Variants in HECW2 observed in about 807,000 individuals in gnomAD.
The protein encoded by HECW2 is HECT, C2 and WW domain containing E3 ubiquitin protein ligase 2.
A neutral mutation model predicts 175.2 loss-of-function variants in HECW2; 61 were observed. That is an observed-to-expected ratio of 0.35 (90% CI 0.28 to 0.43). The LOEUF is 0.43. Among genes scored for constraint, HECW2 ranks in the 20% least tolerant of loss-of-function variants. The pLI is 1.00. For missense variants in HECW2, 1,524 were observed against 2,000.5 expected, an observed-to-expected ratio of 0.76 and a Z score of 4.54; for synonymous variants, 671 against 731.0, an observed-to-expected ratio of 0.92 and a Z score of 1.32.
intron 2 of HECW2, among the ~76,000 whole-genome samples, chr2:196,358,664 C>A (rs1693475675): frequency 6.9e-6 from 1 of 144,102 alleles, no homozygotes; most frequent in South Asian, 2.3e-4. Flanking sequence ...GTTTTCATTT[C>A]ATTACTCAAA....
In HECW2 at chr2:196,539,403, C is replaced by T. The variant is rs12104614; in HGVS notation, c.-36+54105G>A. 3.1e-3 allele frequency among the ~76,000 whole-genome samples: 476 copies of T among 152,194 alleles called. 3 individuals carry two copies. The highest frequency in any genetic ancestry group is 9.3e-3 in the African/African-American group (388 of 41,548). ...ATCCCAGCACTTTGGGAGGCCGAGG[C>T]GGGTGGATCATGAGGTCAGGAGATG... On this transcript the variant is annotated intron_variant, in intron 1 of 28. Coordinates refer to ENST00000644978, the MANE Select transcript of HECW2 (RefSeq NM_001348768.2).
At chr2:196,221,174 G>A (rs1034330758) in intron 24 of HECW2, among the ~76,000 whole-genome samples, 1 of 152,130 alleles carries the variant, frequency 6.6e-6, no homozygotes, top group East Asian at 1.9e-4. Flanking sequence ...ATGTATTGCT[G>A]TTACTACAGG....
Position 196,520,166 on chromosome 2 carries a change from T to C in HECW2, c.-36+73342A>G, listed in dbSNP as rs922153649. Among the ~76,000 whole-genome samples the C allele has an allele frequency of 2.0e-5, 3 of 152,174 alleles. No homozygotes were observed. In the South Asian group the frequency reaches 6.2e-4, roughly 32 times the overall value. On this transcript the variant is annotated intron_variant, in intron 1 of 28. Transcript: ENST00000644978. Reference sequence around the variant, plus strand: ...GTTGAATTCTTACTTTTGATAAATATACCATGATAATGCAGAAGGCTAACA... The same window carrying C: ...GTTGAATTCTTACTTTTGATAAATACACCATGATAATGCAGAAGGCTAACA...
chr2:196,459,792 G>A (rs1180021579), intron 1 of HECW2, among the ~76,000 whole-genome samples: 2 of 152,150 alleles, frequency 1.3e-5, no homozygotes, highest in Non-Finnish European at 2.9e-5. Context: ...GCAGGGAGGG[G>A]TTTTGCATCC....
At chr2:196,300,023 T>G (rs1690982311) in intron 13 of HECW2, among the ~76,000 whole-genome samples, 1 of 152,216 alleles carries the variant, frequency 6.6e-6, no homozygotes, top group South Asian at 2.1e-4. Flanking sequence ...GGAACTTGTA[T>G]GAAGACGGCA....
chr2:196,307,946 C>A lies in HECW2; in HGVS notation c.2574G>T (p.Gln858His). ...ATGTTCATCCTCACCGCCGGTTCAGCTGCTCCATTTGCTGTATGGAGTTAG... is the reference window on the plus strand; with the variant it reads ...ATGTTCATCCTCACCGCCGGTTCAGATGCTCCATTTGCTGTATGGAGTTAG... Reference protein sequence around the residue: ...QRSNSIQQMEQLNRRYQSIRR... With the variant: ...QRSNSIQQMEHLNRRYQSIRR... The change falls in exon 11 of 29, where the codon CAG becomes CAT. Residue 858 changes from glutamine to histidine, a missense_variant. By Grantham distance (24) the Gln-to-His change is conservative. Coordinates refer to ENST00000644978, the MANE Select transcript of HECW2 (RefSeq NM_001348768.2). 1 of 1,553,474 alleles carries A rather than the reference C, an allele frequency of 6.4e-7. No homozygotes were observed. The highest frequency in any genetic ancestry group is 8.8e-7 in the Non-Finnish European group (1 of 1,140,282).
intron 1 of HECW2, among the ~76,000 whole-genome samples, chr2:196,549,282 C>T (rs1424419973): frequency 6.6e-6 from 1 of 152,190 alleles, no homozygotes; most frequent in Non-Finnish European, 1.5e-5. Flanking sequence ...CCTGTATGCG[C>T]TTTCCTGGTC....
chr2:196,225,689 AT>A (rs2105831983), intron 23 of HECW2, 82 bp downstream of exon 23: 1 of 832,384 alleles, frequency 1.2e-6, no homozygotes, highest in East Asian at 2.5e-5. Flanking sequence ...CAGATAAACA[AT>A]GACTTTGACA....
chr2:196,267,058 A>T lies in HECW2; in HGVS notation c.3335+4135T>A, dbSNP rs565731156. On this transcript the variant is annotated intron_variant, in intron 17 of 28. Transcript: ENST00000644978. ...AAAAATTATCACAGATCATGTCCTC[A>T]TGGTGAGGGGAGTTATATAGGAAGC... 1.1e-3 allele frequency among the ~76,000 whole-genome samples: 162 copies of T among 152,278 alleles called. 1 individual carries two copies. The highest frequency in any genetic ancestry group is 3.7e-3 in the African/African-American group (152 of 41,548).
At chr2:196,314,897 C>T (rs889871675) in intron 10 of HECW2, among the ~76,000 whole-genome samples, 10 of 151,930 alleles carry the variant, frequency 6.6e-5, no homozygotes, top group African/African-American at 2.4e-4. Flanking sequence ...AGCTGTAAGT[C>T]AGACGCATGA....
chr2:196,236,860 T>C (rs4850685), intron 21 of HECW2, among the ~76,000 whole-genome samples: 6,262 of 152,310 alleles, frequency 0.041, 252 homozygotes, highest in Admixed American at 0.12. Context: ...CTGACTGCCA[T>C]AGTGTTTGTC....
intron 10 of HECW2, chr2:196,316,915 T>G (rs1176168664): frequency 4.9e-6 from 1 of 205,576 alleles, no homozygotes; most frequent in Non-Finnish European, 1.0e-5. Flanking sequence ...GTGAGGTTTT[T>G]CTAAGAGAGT....
intron 7 of HECW2, among the ~76,000 whole-genome samples, chr2:196,322,251 C>G (rs1311987603): frequency 6.6e-6 from 1 of 152,178 alleles, no homozygotes; most frequent in African/African-American, 2.4e-5. Context: ...GAAATATTAA[C>G]AGTGGGTACA....
chr2:196,278,779 A>C, intron 14 of HECW2, 117 bp from the exon 15 acceptor site: 46 of 1,174,704 alleles, frequency 3.9e-5, no homozygotes, highest in Non-Finnish European at 5.2e-5. Flanking sequence ...CTATTTTCTC[A>C]TAATTTTCAA....
chr2:196,221,352 A>G (rs1687663350), intron 24 of HECW2, among the ~76,000 whole-genome samples: 1 of 152,228 alleles, frequency 6.6e-6, no homozygotes, highest in Admixed American at 6.5e-5. Context: ...GAACTTTTTC[A>G]AAACACATGG....
chr2:196,402,424 G>C lies in HECW2; in HGVS notation c.292+30708C>G, dbSNP rs77750885. Among the ~76,000 whole-genome samples the C allele has an allele frequency of 2.0e-5, 3 of 152,160 alleles. No homozygotes were observed. In the East Asian group the frequency reaches 5.8e-4, roughly 29 times the overall value. Reference sequence around the variant, plus strand: ...AAATAGTTGTCTAACATGGGAATAAGAGTGAGAGACTCTGAGCCATTAATA... The same window carrying C: ...AAATAGTTGTCTAACATGGGAATAACAGTGAGAGACTCTGAGCCATTAATA... On this transcript the variant is annotated intron_variant, in intron 2 of 28. Transcript: ENST00000644978.
chr2:196,311,516 G>A (rs1691495572), intron 10 of HECW2, among the ~76,000 whole-genome samples: 1 of 152,184 alleles, frequency 6.6e-6, no homozygotes, highest in Admixed American at 6.5e-5. Flanking sequence ...AACCTCAGCG[G>A]CCGGGTGCGG....
At chr2:196,276,105 C>A (rs1222964080) in intron 15 of HECW2, among the ~76,000 whole-genome samples, 1 of 152,228 alleles carries the variant, frequency 6.6e-6, no homozygotes, top group Non-Finnish European at 1.5e-5. Context: ...TGCCATGTCT[C>A]ATCATTTCCC....
chr2:196,373,898 G>A (rs1040578711), intron 2 of HECW2, among the ~76,000 whole-genome samples: 1 of 151,380 alleles, frequency 6.6e-6, no homozygotes, highest in East Asian at 1.9e-4. Context: ...CGGGCGTAGT[G>A]GCGGGCGCCT....
Sources: gnomAD v4.1 joint callset for allele counts (sites outside exome capture counted in the v4.1 genomes callset) on GRCh38, gnomAD v4.1.1 for gene constraint, MANE v1.5 for transcripts, NCBI Gene and HGNC (gene_info 2026-07-23, HGNC 2026-07-21) for gene names.